The following OPCML variants were observed in gnomAD, a reference collection of about 807,000 sequenced individuals.
The protein encoded by OPCML is opioid binding protein/cell adhesion molecule like.
In OPCML, 13 loss-of-function variants were observed where a neutral mutation model predicts 37.8. That is an observed-to-expected ratio of 0.34 (90% CI 0.22 to 0.55). The LOEUF (loss-of-function observed/expected upper bound fraction) is 0.55. Among genes scored for constraint, OPCML ranks in the 20% least tolerant of loss-of-function variants. The pLI is 0.91. For synonymous variants in OPCML, 176 were observed against 168.8 expected (o/e 1.04, Z -0.33); for missense variants, 341 against 435.6 (o/e 0.78, Z 1.93).
intron 1 of OPCML, among the ~76,000 whole-genome samples, chr11:133,060,687 T>A (rs1306888194): frequency 6.6e-6 from 1 of 152,356 alleles, no homozygotes; most frequent in African/African-American, 2.4e-5. Flanking sequence ...TCATTCAAGA[T>A]TCTACGTTTT....
intron 2 of OPCML, among the ~76,000 whole-genome samples, chr11:132,753,577 T>C (rs932853526): frequency 2.0e-5 from 3 of 150,260 alleles, no homozygotes; most frequent in Admixed American, 6.6e-5. Flanking sequence ...TAGATAGATA[T>C]GGATAATAGG....
chr11:133,186,263 T>C (rs915216309), intron 1 of OPCML, among the ~76,000 whole-genome samples: 1 of 152,172 alleles, frequency 6.6e-6, no homozygotes, highest in African/African-American at 2.4e-5. Flanking sequence ...TTTTTACACA[T>C]CAGGGATACA....
intron 3 of OPCML, among the ~76,000 whole-genome samples, chr11:132,634,636 G>A (rs1024436046): frequency 6.6e-6 from 1 of 152,166 alleles, no homozygotes; most frequent in African/African-American, 2.4e-5. Flanking sequence ...CTCGCAGGAA[G>A]AGATGAGGAA....
intron 1 of OPCML, among the ~76,000 whole-genome samples, chr11:132,951,107 C>T (rs563358192): frequency 1.9e-4 from 29 of 152,284 alleles, no homozygotes; most frequent in Non-Finnish European, 3.8e-4. Context: ...GCAGCTCACT[C>T]TGTGGGACTT....
In OPCML at chr11:133,208,909, C is replaced by T. The variant is rs190072173; in HGVS notation, c.62-265899G>A. On this transcript the variant is annotated intron_variant, in intron 1 of 7. Coordinates refer to ENST00000524381, the MANE Select transcript of OPCML (RefSeq NM_001012393.5). The surrounding 1 kb of genome is among the most constrained non-coding windows in gnomAD (Gnocchi z 8.9). Reference sequence around the variant, plus strand: ...AACAACCTCCTCTGGTGTCTAAGAACCAAACCAACCCACTCTTGGGAGAAG... The same window carrying T: ...AACAACCTCCTCTGGTGTCTAAGAATCAAACCAACCCACTCTTGGGAGAAG... 2.4e-3 allele frequency among the ~76,000 whole-genome samples: 358 copies of T among 152,280 alleles called. No individual in the cohort carries two copies. Among genetic ancestry groups the T allele is most frequent in the South Asian group, 4.4e-3 (21 of 4,816 alleles).
At chr11:133,004,942 A>G in intron 1 of OPCML, 1 of 984,998 alleles carries the variant, frequency 1.0e-6, no homozygotes. Flanking sequence ...CCTTCCCTCC[A>G]CTGCACCGAG....
chr11:132,810,234 G>A (rs1211827894), intron 2 of OPCML, among the ~76,000 whole-genome samples: 2 of 152,188 alleles, frequency 1.3e-5, no homozygotes, highest in East Asian at 1.9e-4. Flanking sequence ...CCATGGAATC[G>A]TGGACATGAA....
At chr11:133,220,343 CAAG>C (rs1251853980) in intron 1 of OPCML, among the ~76,000 whole-genome samples, 1 of 152,176 alleles carries the variant, frequency 6.6e-6, no homozygotes, top group Non-Finnish European at 1.5e-5. Context: ...GGCATTAACC[CAAG>C]AAGTCCATTA....
intron 1 of OPCML, among the ~76,000 whole-genome samples, chr11:133,027,750 G>T (rs527479162): frequency 0.014 from 1 of 74 alleles, no homozygotes; most frequent in South Asian, 0.17. Context: ...GTGGTGTGAT[G>T]TGTTTGACGT....
intron 4 of OPCML, among the ~76,000 whole-genome samples, chr11:132,467,542 T>C (rs1052767728): frequency 1.3e-5 from 2 of 152,230 alleles, no homozygotes; most frequent in African/African-American, 4.8e-5. Context: ...TAAGTGTTTA[T>C]AGATGTTTAA....
chr11:132,960,207 G>A (rs560782158), intron 1 of OPCML, among the ~76,000 whole-genome samples: 3 of 152,216 alleles, frequency 2.0e-5, no homozygotes, highest in East Asian at 3.9e-4. Context: ...TCATTTAGCC[G>A]GCCCAATAAC....
chr11:133,313,393 T>C (rs748287343), intron 1 of OPCML, among the ~76,000 whole-genome samples: 1 of 152,224 alleles, frequency 6.6e-6, no homozygotes, highest in African/African-American at 2.4e-5. Context: ...CGGTCTTACA[T>C]AGTTTTGGTA....
rs189112248 is a variant in OPCML, at chr11:132,457,761, G to A, written c.506-20402C>T. ...AAAGCACTCCTGCCCCAGCTGCCTG[G>A]TGTACGGTCTGCTGAGCCCTCTGGG... On this transcript the variant is annotated intron_variant, in intron 4 of 7. Coordinates refer to ENST00000524381, the MANE Select transcript of OPCML (RefSeq NM_001012393.5). Among the ~76,000 whole-genome samples, 104 of 152,292 alleles carry A rather than the reference G, an allele frequency of 6.8e-4. 1 individual carries two copies. Among genetic ancestry groups the A allele is most frequent in the Non-Finnish European group, 2.1e-4 (14 of 68,038 alleles).
intron 3 of OPCML, among the ~76,000 whole-genome samples, chr11:132,606,055 C>T (rs73049181): frequency 0.029 from 4,413 of 152,204 alleles, 130 homozygotes; most frequent in East Asian, 0.055. Context: ...TTTCTTCCTT[C>T]CAAGTGTCCT....
intron 1 of OPCML, among the ~76,000 whole-genome samples, chr11:133,512,109 G>A (rs946925964): frequency 6.6e-6 from 1 of 152,196 alleles, no homozygotes; most frequent in Non-Finnish European, 1.5e-5. Context: ...CAGGTTAAGA[G>A]CTTGGTTCCA....
intron 1 of OPCML, among the ~76,000 whole-genome samples, chr11:133,479,512 C>A (rs1360358520): frequency 2.6e-5 from 4 of 152,190 alleles, no homozygotes; most frequent in Admixed American, 2.6e-4. Context: ...GAAATGCAGC[C>A]CCAGTCAAGA....
At chr11:133,340,529 G>A (rs1943842884) in intron 1 of OPCML, among the ~76,000 whole-genome samples, 1 of 151,670 alleles carries the variant, frequency 6.6e-6, no homozygotes, top group Non-Finnish European at 1.5e-5. Context: ...ATAAAAGCTT[G>A]TATATTTCCC....
At chr11:132,713,102 G>A (rs1944332584) in intron 2 of OPCML, among the ~76,000 whole-genome samples, 1 of 152,108 alleles carries the variant, frequency 6.6e-6, no homozygotes. Flanking sequence ...AAGAGCTTGG[G>A]AGCTCCTTTA....
intron 4 of OPCML, among the ~76,000 whole-genome samples, chr11:132,505,577 G>A (rs561397765): frequency 8.5e-5 from 13 of 152,198 alleles, no homozygotes; most frequent in African/African-American, 2.9e-4. Context: ...TGAGATGAAC[G>A]AAAACGTCCA....
Sources: allele counts gnomAD v4.1 joint callset (sites outside exome capture counted in the v4.1 genomes callset), GRCh38; gene constraint gnomAD v4.1.1; non-coding constraint Gnocchi (gnomAD v3.1); transcripts MANE v1.5; gene names NCBI Gene and HGNC (gene_info 2026-07-23, HGNC 2026-07-21).